MBTD1: variants seen among roughly 807,000 people sequenced by gnomAD.
MBTD1 encodes mbt domain containing 1.
MBTD1 carries 24 observed loss-of-function variants against 87.8 expected under a neutral mutation model. That is an observed-to-expected ratio of 0.27 (90% CI 0.20 to 0.38). The LOEUF is 0.38. Among genes scored for constraint, MBTD1 ranks in the 10% least tolerant of loss-of-function variants. The pLI is 1.00. For synonymous variants in MBTD1, 237 were observed against 248.6 expected (o/e 0.95, Z 0.44); for missense variants, 436 against 760.2 (o/e 0.57, Z 5.02).
chr17:51,220,251 G>C (rs368713399), intron 4 of MBTD1, 79 bp downstream of exon 4: 13 of 1,357,388 alleles, frequency 9.6e-6, no homozygotes, highest in East Asian at 7.6e-5. Context: ...GGAGTACAGT[G>C]AATCACAGTC....
chr17:51,182,308 G>A (rs1221889031), intron 16 of MBTD1, among the ~76,000 whole-genome samples: 1 of 151,938 alleles, frequency 6.6e-6, no homozygotes. Flanking sequence ...TGTATTTTTA[G>A]TAGAGATGGG....
intron 2 of MBTD1, among the ~76,000 whole-genome samples, chr17:51,228,994 T>TAACA (rs1220047111): frequency 3.6e-5 from 5 of 139,868 alleles, no homozygotes; most frequent in African/African-American, 5.4e-5. Flanking sequence ...TCCCTAAACC[T>TAACA]AACAAACAAA....
intron 6 of MBTD1, among the ~76,000 whole-genome samples, chr17:51,210,680 C>T (rs1224630230): frequency 6.6e-6 from 1 of 151,950 alleles, no homozygotes; most frequent in Non-Finnish European, 1.5e-5. Context: ...CACTTGAACC[C>T]AGGAGGCAGA....
rs2050870097 is a variant in MBTD1 at position 51,192,676 on chromosome 17, T to C, written c.1690+106A>G. The C allele has an allele frequency of 2.6e-6, 4 of 1,538,438 alleles. No individual in the cohort carries two copies. In the Admixed American group the frequency reaches 6.1e-5, roughly 23 times the overall value. ...GTCTTACCTGGCAACCAATCAGACA[T>C]AGGTATATTCTTGTCCTGTGAGCTC... is the stretch of plus-strand genomic sequence containing the variant. On this transcript the variant is annotated intron_variant, in intron 15 of 16. Coordinates refer to ENST00000586178, the MANE Select transcript of MBTD1 (RefSeq NM_017643.3).
intron 2 of MBTD1, among the ~76,000 whole-genome samples, chr17:51,235,570 C>G (rs1375622476): frequency 6.6e-6 from 1 of 152,186 alleles, no homozygotes; most frequent in Non-Finnish European, 1.5e-5. Context: ...AAATTCACCG[C>G]ATTAACAGAC....
At chr17:51,258,026 A>G (rs904287137) in intron 2 of MBTD1, among the ~76,000 whole-genome samples, 8 of 149,670 alleles carry the variant, frequency 5.3e-5, no homozygotes, top group East Asian at 2.0e-4. Flanking sequence ...AAAAAAAAGT[A>G]CAGCTATTTT....
intron 16 of MBTD1, chr17:51,184,965 TC>T (rs1374802435): frequency 6.6e-6 from 1 of 152,120 alleles, no homozygotes; most frequent in African/African-American, 2.4e-5. Flanking sequence ...TGTAAGAACA[TC>T]ACAGTGATCT....
chr17:51,213,934 A>AG (rs2052408242), intron 6 of MBTD1, among the ~76,000 whole-genome samples: 1 of 152,052 alleles, frequency 6.6e-6, no homozygotes, highest in African/African-American at 2.4e-5. Context: ...AAAAAAAAAA[A>AG]GGGCAATTAT....
upstream of MBTD1, chr17:51,260,788 A>G: frequency 1.3e-6 from 2 of 1,579,678 alleles, no homozygotes; most frequent in Non-Finnish European, 8.6e-7. Context: ...CGGCGGAGGA[A>G]GAGAGACGGC....
intron 16 of MBTD1, among the ~76,000 whole-genome samples, chr17:51,189,071 T>C (rs935751657): frequency 2.0e-5 from 3 of 152,194 alleles, no homozygotes; most frequent in East Asian, 3.8e-4. Flanking sequence ...GGAAGTTTTT[T>C]TAAAAAGAAC....
In MBTD1 at chr17:51,180,044, AATGACCCTTCCATGACCTTTGTGGTG is replaced by A. The variant is rs1313086356; in HGVS notation, c.*506_*531del. On this transcript the variant is annotated 3_prime_UTR_variant, in exon 17 of 17. Transcript: ENST00000586178. ...GCAATAAAATGCCAACAAGAGAAATAATGACCCTTCCATGACCTTTGTGGTGATGACCCCTCCATGAGGAGTTCAGT... is the reference window on the plus strand; with the variant it reads ...GCAATAAAATGCCAACAAGAGAAATAATGACCCCTCCATGAGGAGTTCAGT... The A allele has an allele frequency of 6.6e-6, 1 of 152,184 alleles. No individual in the cohort carries two copies. Among genetic ancestry groups the A allele is most frequent in the Non-Finnish European group, 1.5e-5 (1 of 68,030 alleles). 9.4% of individuals were successfully genotyped at this position (152,184 alleles called of 1,614,324 possible).
chr17:51,198,826 T>G (rs969320110), intron 12 of MBTD1, among the ~76,000 whole-genome samples: 1 of 152,224 alleles, frequency 6.6e-6, no homozygotes, highest in Non-Finnish European at 1.5e-5. Flanking sequence ...TTGTTTGAGA[T>G]GGAGTCTCGC....
At chr17:51,219,854 C>T (rs956636879) in intron 4 of MBTD1, among the ~76,000 whole-genome samples, 2 of 152,094 alleles carry the variant, frequency 1.3e-5, no homozygotes, top group Admixed American at 6.6e-5. Flanking sequence ...ATACCATGAG[C>T]GTTGTCAAAA....
intron 6 of MBTD1, among the ~76,000 whole-genome samples, chr17:51,214,498 G>C (rs1175680032): frequency 6.6e-6 from 1 of 152,080 alleles, no homozygotes; most frequent in South Asian, 2.1e-4. Flanking sequence ...TATGATTTTA[G>C]AACTAATCAC....
At chr17:51,238,965 T>G (rs2054007689) in intron 2 of MBTD1, among the ~76,000 whole-genome samples, 1 of 152,046 alleles carries the variant, frequency 6.6e-6, no homozygotes, top group African/African-American at 2.4e-5. Context: ...CTGGGTGTGG[T>G]AATGTGCGTC....
At chr17:51,181,138 AGCACCGCCCCCCCAAGTAGGTGGG>A (rs1291323406) in intron 16 of MBTD1, among the ~76,000 whole-genome samples, 1 of 149,986 alleles carries the variant, frequency 6.7e-6, no homozygotes, top group Non-Finnish European at 1.5e-5. Flanking sequence ...CTCCTGCCTC[AGCACCGCCCCCCCAAGTAGGTGGG>A]ACTACAGGCA....
chr17:51,193,126 T>C (rs987810204), intron 14 of MBTD1, 110 bp from the exon 15 acceptor site: 13 of 739,166 alleles, frequency 1.8e-5, no homozygotes, highest in Non-Finnish European at 2.7e-5. Flanking sequence ...AACATAATTA[T>C]AAACCATAAA....
intron 12 of MBTD1, among the ~76,000 whole-genome samples, chr17:51,200,558 T>C (rs1227162751): frequency 2.5e-4 from 5 of 19,884 alleles, no homozygotes; most frequent in African/African-American, 1.4e-3. Context: ...AGATACCATC[T>C]CAAAAAAAAA....
At chr17:51,192,326 T>C (rs1172962191) in intron 15 of MBTD1, 46 bp from the exon 16 acceptor site, 1 of 1,323,486 alleles carries the variant, frequency 7.6e-7, no homozygotes, top group South Asian at 1.3e-5. Flanking sequence ...TTGTTTACAA[T>C]TTAGACGATA....
Sources: gnomAD v4.1 joint callset for allele counts (sites outside exome capture counted in the v4.1 genomes callset) on GRCh38, gnomAD v4.1.1 for gene constraint, MANE v1.5 for transcripts, NCBI Gene and HGNC (gene_info 2026-07-23, HGNC 2026-07-21) for gene names.